Variants in IP6K3 observed in about 807,000 individuals in gnomAD.
IP6K3 encodes inositol hexakisphosphate kinase 3, also known as ATP:1D-myo-inositol-hexakisphosphate phosphotransferase.
In IP6K3, 20 loss-of-function variants were observed where a neutral mutation model predicts 28.8. The ratio of observed to expected loss-of-function variants is 0.70; its 90% CI spans 0.49 to 1.01. The LOEUF (loss-of-function observed/expected upper bound fraction) is 1.01, where lower values mean the gene tolerates loss of function less well. IP6K3 is among the 50% of genes least tolerant of loss of function. The pLI, the probability that IP6K3 is intolerant of heterozygous loss-of-function variation, is 0.00. For missense variants in IP6K3, 480 were observed against 537.1 expected (o/e 0.89, Z 1.05); for synonymous variants, 213 against 221.3 (o/e 0.96, Z 0.33).
chr6:33,747,405 AC>A (rs1053390518), upstream of IP6K3, among the ~76,000 whole-genome samples: 5 of 152,016 alleles, frequency 3.3e-5, no homozygotes, highest in South Asian at 2.1e-4. This position sits in a 1 kb window ranked among gnomAD's most constrained non-coding sequence, Gnocchi z 5.2. Flanking sequence ...ATTTTTTGAG[AC>A]CCCCTGCTAG....
chr6:33,760,456 A>C, the IP6K3 span, among the ~76,000 whole-genome samples: 1 of 152,230 alleles, frequency 6.6e-6, no homozygotes, highest in South Asian at 2.1e-4. Flanking sequence ...TGGTGTCTTC[A>C]GTGGAGGGGC....
upstream of IP6K3, among the ~76,000 whole-genome samples, chr6:33,749,946 C>A (rs78373504): frequency 6.6e-6 from 1 of 152,102 alleles, no homozygotes; most frequent in East Asian, 1.9e-4. Context: ...TGCCACCATT[C>A]GGAGGAGAAA....
chr6:33,731,928 C>T (rs77665808), intron 2 of IP6K3, among the ~76,000 whole-genome samples: 1,929 of 152,298 alleles, frequency 0.013, 19 homozygotes, highest in South Asian at 0.024. Flanking sequence ...CAACCCGAGA[C>T]CATGCCAGCT....
chr6:33,751,504 G>GTGTA (rs1209228580), upstream of IP6K3, among the ~76,000 whole-genome samples: 3 of 126,166 alleles, frequency 2.4e-5, no homozygotes, highest in Non-Finnish European at 5.5e-5. This position sits in a 1 kb window ranked among gnomAD's most constrained non-coding sequence, Gnocchi z 4.3. Flanking sequence ...GTGTGTGTGT[G>GTGTA]TGTGTGTGTG....
At chr6:33,747,640 GCAGAGGCC>G (rs16871395), upstream of IP6K3, among the ~76,000 whole-genome samples, 666 of 121,942 alleles carry the variant, frequency 5.5e-3, 2 homozygotes, top group African/African-American at 0.016. This position sits in a 1 kb window ranked among gnomAD's most constrained non-coding sequence, Gnocchi z 5.2. Context: ...GAGAGGCTGT[GCAGAGGCC>G]CAGAGGCCCA....
intron 2 of IP6K3, among the ~76,000 whole-genome samples, chr6:33,730,903 G>A (rs1341943959): frequency 6.6e-6 from 1 of 152,162 alleles, no homozygotes; most frequent in Non-Finnish European, 1.5e-5. Flanking sequence ...TGTTTGTTCT[G>A]GTCATTCTGT....
the IP6K3 span, among the ~76,000 whole-genome samples, chr6:33,757,935 G>T: frequency 6.6e-6 from 1 of 152,160 alleles, no homozygotes; most frequent in East Asian, 1.9e-4. Context: ...TCCGAGGCAG[G>T]GGGGATCAGC....
At chr6:33,730,468 T>C (rs1426148923) in intron 2 of IP6K3, among the ~76,000 whole-genome samples, 2 of 152,198 alleles carry the variant, frequency 1.3e-5, no homozygotes, top group South Asian at 2.1e-4. Flanking sequence ...GAAGTCATCA[T>C]GATGATAATG....
At chr6:33,734,000 C>T (rs988311568) in intron 2 of IP6K3, among the ~76,000 whole-genome samples, 1 of 152,100 alleles carries the variant, frequency 6.6e-6, no homozygotes. Context: ...GTTGGGAGTT[C>T]GAGACCAGCC....
At chr6:33,751,086 A>G (rs1337607327), upstream of IP6K3, among the ~76,000 whole-genome samples, 1 of 152,076 alleles carries the variant, frequency 6.6e-6, no homozygotes, top group Non-Finnish European at 1.5e-5. The surrounding 1 kb of genome is among the most constrained non-coding windows in gnomAD (Gnocchi z 4.3). Context: ...AAAGTGCAGG[A>G]TGGAGCATGC....
At position 33,746,011 on chromosome 6, in the gene IP6K3, T is replaced by C. The variant is rs1766895146; in HGVS notation, c.-180+747A>G. On this transcript the variant is annotated intron_variant, in intron 1 of 5. Coordinates refer to ENST00000293756, the MANE Select transcript of IP6K3 (RefSeq NM_054111.5). This position sits in a 1 kb window ranked among gnomAD's most constrained non-coding sequence, Gnocchi z 6.5. Reference sequence around the variant, plus strand: ...GAAGGCAGAGTCCCTCCCTATGGGATCAGAATTTCAGGGGAAGGGGCCTGG... The same window carrying C: ...GAAGGCAGAGTCCCTCCCTATGGGACCAGAATTTCAGGGGAAGGGGCCTGG... Among the ~76,000 whole-genome samples, 1 of 152,066 alleles carries C rather than the reference T, an allele frequency of 6.6e-6. No homozygotes were observed. Among genetic ancestry groups the C allele is most frequent in the Non-Finnish European group, 1.5e-5 (1 of 67,986 alleles).
chr6:33,751,690 T>C (rs1452988034), upstream of IP6K3, among the ~76,000 whole-genome samples: 2 of 152,140 alleles, frequency 1.3e-5, no homozygotes, highest in East Asian at 1.9e-4. This position sits in a 1 kb window ranked among gnomAD's most constrained non-coding sequence, Gnocchi z 4.3. Context: ...ATTCCCCTCA[T>C]TTCACAGCAG....
rs139720178 is a variant in IP6K3, at chr6:33,728,198, G to A, written c.302C>T (p.Ser101Leu). ...CGTCTGCCATATGGCCACCGCCGCCGACTCTGTGGAGACCTTGAAGGGCTC... is the reference window on the plus strand; with the variant it reads ...CGTCTGCCATATGGCCACCGCCGCCAACTCTGTGGAGACCTTGAAGGGCTC... ...SQEPFKVSTE[S>L]AAVAIWQTLQ... is the part of the protein sequence containing the mutation. Residue 101 changes from serine to leucine, a missense_variant, in exon 3 of 6, where the codon TCG becomes TTG. By Grantham distance (145) the Ser-to-Leu change is moderately radical. Coordinates refer to ENST00000293756, the MANE Select transcript of IP6K3 (RefSeq NM_054111.5). The A allele has an allele frequency of 5.0e-4, 813 of 1,614,058 alleles. 11 individuals carry two copies. In the East Asian group the frequency reaches 0.017, roughly 33 times the overall value.
chr6:33,747,739 G>T (rs911178088), upstream of IP6K3, among the ~76,000 whole-genome samples: 3 of 152,070 alleles, frequency 2.0e-5, no homozygotes, highest in Non-Finnish European at 4.4e-5. The surrounding 1 kb of genome is among the most constrained non-coding windows in gnomAD (Gnocchi z 5.2). Context: ...GGGCAGGGAC[G>T]AGGTGGCCTC....
In IP6K3 at chr6:33,741,379, C is replaced by T. The variant is rs116351971; in HGVS notation, c.-180+5379G>A. On this transcript the variant is annotated intron_variant, in intron 1 of 5. Transcript: ENST00000293756. ...TCACTTTGCCTGGCGTGGTGGCTCA[C>T]GCCTGTAATTCCAGCACTGTAGGAG... is the stretch of plus-strand genomic sequence containing the variant. 4.7e-3 allele frequency among the ~76,000 whole-genome samples: 721 copies of T among 152,250 alleles called. 6 individuals carry two copies. Among genetic ancestry groups the T allele is most frequent in the African/African-American group, 0.015 (637 of 41,534 alleles).
chr6:33,731,061 GGGA>G (rs1354749592), intron 2 of IP6K3, among the ~76,000 whole-genome samples: 1 of 152,194 alleles, frequency 6.6e-6, no homozygotes, highest in Admixed American at 6.5e-5. Context: ...CTTTGTTCTA[GGGA>G]GGAGAACTGA....
Position 33,722,633 on chromosome 6 carries a change from C to G in IP6K3, c.*87G>C. 1.2e-6 allele frequency: 1 copy of G among 852,036 alleles called. No homozygotes were observed. Among genetic ancestry groups the G allele is most frequent in the Non-Finnish European group, 1.9e-6 (1 of 525,476 alleles). The allele number at this position is 852,036 out of a possible 1,614,324, so 52.8% of individuals were successfully genotyped here. A position where few individuals can be genotyped will look rare whatever the true frequency, so the allele number is the denominator to read the frequency against. ...GTAGATAGGACTATTATGAAGACAT[C>G]TAAGGGGTGTCTGGACTACCCTAGC... On this transcript the variant is annotated 3_prime_UTR_variant, in exon 6 of 6. Coordinates refer to ENST00000293756, the MANE Select transcript of IP6K3 (RefSeq NM_054111.5).
At chr6:33,754,759 G>T in the IP6K3 span, among the ~76,000 whole-genome samples, 1 of 152,200 alleles carries the variant, frequency 6.6e-6, no homozygotes, top group Non-Finnish European at 1.5e-5. Context: ...CAGGAGGGCA[G>T]GGGATGCTTG....
the IP6K3 span, among the ~76,000 whole-genome samples, chr6:33,759,363 G>A: frequency 2.4e-4 from 36 of 152,192 alleles, no homozygotes; most frequent in African/African-American, 7.9e-4. Flanking sequence ...TGCAACCTCT[G>A]CCTCCCGCGG....
Sources: gnomAD v4.1 joint callset for allele counts (sites outside exome capture counted in the v4.1 genomes callset) on GRCh38, gnomAD v4.1.1 for gene constraint, Gnocchi (gnomAD v3.1) non-coding constraint, MANE v1.5 for transcripts, NCBI Gene and HGNC (gene_info 2026-07-23, HGNC 2026-07-21) for gene names.